Variants in FAS observed in about 807,000 individuals in gnomAD.
The protein encoded by FAS is Fas cell surface death receptor, also known as tumor necrosis factor receptor superfamily member 6.
A neutral mutation model predicts 33.2 loss-of-function variants in FAS; 5 were observed. The ratio of observed to expected loss-of-function variants is 0.15; its 90% CI spans 0.08 to 0.32. The LOEUF is 0.32. Ranked by LOEUF, FAS falls within the 10% of genes least tolerant of loss-of-function variation. FAS has a pLI of 1.00. For synonymous variants in FAS, 131 were observed against 130.7 expected (o/e 1.00, Z -0.01); for missense variants, 339 against 386.0 (o/e 0.88, Z 1.02).
At chr10:88,967,253 A>C (rs541617404) in intron 1 of FAS, among the ~76,000 whole-genome samples, 1 of 152,322 alleles carries the variant, frequency 6.6e-6, no homozygotes, top group African/African-American at 2.4e-5. Context: ...TAGTTGGAAC[A>C]GGACAAGACT....
At chr10:88,984,692 T>C (rs1204071557), upstream of FAS, among the ~76,000 whole-genome samples, 1 of 151,622 alleles carries the variant, frequency 6.6e-6, no homozygotes. Context: ...TAGTTATTCA[T>C]GAAACCACTG....
At chr10:89,010,066 G>A (rs1217438482) in intron 4 of FAS, among the ~76,000 whole-genome samples, 6 of 151,932 alleles carry the variant, frequency 3.9e-5, no homozygotes, top group East Asian at 1.9e-4. Context: ...GATCACCACC[G>A]GTTGCTAAAA....
At chr10:88,993,617 G>A (rs1265643208) in intron 1 of FAS, among the ~76,000 whole-genome samples, 1 of 152,128 alleles carries the variant, frequency 6.6e-6, no homozygotes, top group Non-Finnish European at 1.5e-5. Flanking sequence ...ATAAAGCTGT[G>A]TATTTACAAG....
chr10:89,003,258 T>A (rs1485950156), intron 2 of FAS, 64 bp downstream of exon 2: 16 of 1,580,218 alleles, frequency 1.0e-5, no homozygotes, highest in Non-Finnish European at 1.2e-5. Context: ...CACATAGTAA[T>A]CATGACTATA....
chr10:88,966,552 C>T (rs1023033918), intron 1 of FAS, among the ~76,000 whole-genome samples: 8 of 152,036 alleles, frequency 5.3e-5, no homozygotes, highest in African/African-American at 1.4e-4. Context: ...TTATCTGTGG[C>T]GTCTGTGAGG....
intron 1 of FAS, among the ~76,000 whole-genome samples, chr10:88,964,892 C>T (rs1303983338): frequency 1.3e-5 from 2 of 152,074 alleles, no homozygotes; most frequent in South Asian, 4.1e-4. Flanking sequence ...TTTCCTCTGC[C>T]CTCCTGTTTG....
intron 5 of FAS, 67 bp from the exon 6 acceptor site, chr10:89,010,686 A>G: frequency 6.2e-6 from 10 of 1,607,408 alleles, no homozygotes; most frequent in Non-Finnish European, 8.5e-6. Context: ...TGATTACTAG[A>G]AAGTCCTTTA....
intron 1 of FAS, among the ~76,000 whole-genome samples, chr10:88,967,796 A>C (rs955082565): frequency 1.3e-5 from 2 of 152,260 alleles, no homozygotes; most frequent in African/African-American, 4.8e-5. Context: ...CTCACACACC[A>C]GAACTCATTT....
intron 1 of FAS, among the ~76,000 whole-genome samples, chr10:88,994,738 T>G (rs1847479797): frequency 6.6e-6 from 1 of 151,856 alleles, no homozygotes; most frequent in Non-Finnish European, 1.5e-5. Context: ...TCTACATAAT[T>G]TTTATCTCAT....
upstream of FAS, among the ~76,000 whole-genome samples, chr10:88,990,374 T>C (rs952092437): frequency 1.3e-5 from 2 of 152,082 alleles, no homozygotes; most frequent in African/African-American, 2.4e-5. The surrounding 1 kb of genome is among the most constrained non-coding windows in gnomAD (Gnocchi z 4.9). Flanking sequence ...ACTTCCCAGG[T>C]TGAACTACAG....
At chr10:88,981,073 C>T (rs572629632) in intron 2 of FAS, among the ~76,000 whole-genome samples, 9 of 152,222 alleles carry the variant, frequency 5.9e-5, no homozygotes, top group African/African-American at 2.2e-4. Context: ...AGGCCAACTG[C>T]GAGGAAGTCA....
upstream of FAS, among the ~76,000 whole-genome samples, chr10:88,987,058 CTTTCCCAA>C: frequency 6.6e-6 from 1 of 152,172 alleles, no homozygotes; most frequent in Non-Finnish European, 1.5e-5. Flanking sequence ...CTCTCTCTTC[CTTTCCCAA>C]GAACCCATAC....
At chr10:88,998,557 C>T (rs1287223624) in intron 1 of FAS, among the ~76,000 whole-genome samples, 2 of 152,150 alleles carry the variant, frequency 1.3e-5, no homozygotes, top group Admixed American at 6.5e-5. Context: ...TCTCCTGATA[C>T]AGTCACATTC....
At chr10:89,000,939 G>A (rs919923343) in intron 1 of FAS, among the ~76,000 whole-genome samples, 1 of 152,156 alleles carries the variant, frequency 6.6e-6, no homozygotes, top group Non-Finnish European at 1.5e-5. Context: ...CCACCTACTC[G>A]GGAGGCTGAG....
chr10:88,981,130 C>A (rs1846700634), intron 2 of FAS, among the ~76,000 whole-genome samples: 1 of 152,168 alleles, frequency 6.6e-6, no homozygotes, highest in African/African-American at 2.4e-5. Context: ...AGAGCGGGGC[C>A]AGTCCACAGG....
chr10:89,007,560 A>T, intron 2 of FAS, 140 bp from the exon 3 acceptor site: 3 of 959,800 alleles, frequency 3.1e-6, no homozygotes, highest in African/African-American at 1.7e-5. Context: ...CTTCTCCCCC[A>T]TTGTATTTAT....
chr10:89,005,563 A>G (rs1240288461), intron 2 of FAS, among the ~76,000 whole-genome samples: 1 of 152,026 alleles, frequency 6.6e-6, no homozygotes, highest in African/African-American at 2.4e-5. Context: ...ACATGTATGT[A>G]TGTATTATAT....
upstream of FAS, among the ~76,000 whole-genome samples, chr10:88,986,728 C>G (rs1464418725): frequency 6.6e-6 from 1 of 151,348 alleles, no homozygotes; most frequent in South Asian, 2.1e-4. Flanking sequence ...GGAAGTGGTA[C>G]AGGAAGGAAG....
At chr10:88,994,765 A>G (rs1166669657) in intron 1 of FAS, among the ~76,000 whole-genome samples, 2 of 151,726 alleles carry the variant, frequency 1.3e-5, no homozygotes, top group Admixed American at 6.6e-5. Flanking sequence ...TATTGGATAC[A>G]TTATAGAGAG....
Sources: gnomAD v4.1 joint callset for allele counts (sites outside exome capture counted in the v4.1 genomes callset) on GRCh38, gnomAD v4.1.1 for gene constraint, Gnocchi (gnomAD v3.1) non-coding constraint, MANE v1.5 for transcripts, NCBI Gene and HGNC (gene_info 2026-07-23, HGNC 2026-07-21) for gene names.